CNTRL: variants seen among roughly 807,000 people sequenced by gnomAD.
CNTRL encodes centriolin.
A neutral mutation model predicts 303.7 loss-of-function variants in CNTRL; 233 were observed. The observed-to-expected ratio is 0.77, with a 90% CI of 0.69 to 0.86. The LOEUF is 0.86. Among genes scored for constraint, CNTRL ranks in the 40% least tolerant of loss-of-function variants. CNTRL has a pLI of 0.00. For missense variants in CNTRL, 2,524 were observed against 2,650.6 expected (o/e 0.95, Z 1.05); for synonymous variants, 900 against 922.2 (o/e 0.98, Z 0.44).
intron 37 of CNTRL, 114 bp from the exon 38 acceptor site, chr9:121,167,982 T>TC: frequency 1.1e-6 from 1 of 891,520 alleles, no homozygotes; most frequent in South Asian, 1.7e-5. Flanking sequence ...AATGGAATTG[T>TC]CCCTGTGGGC....
chr9:121,104,188 T>C (rs1588115117), intron 7 of CNTRL, among the ~76,000 whole-genome samples: 1 of 152,318 alleles, frequency 6.6e-6, no homozygotes, highest in South Asian at 2.1e-4. Flanking sequence ...TGGAATACTA[T>C]GCAGCCATAA....
At chr9:121,129,635 T>C (rs1306060341) in intron 14 of CNTRL, among the ~76,000 whole-genome samples, 2 of 152,158 alleles carry the variant, frequency 1.3e-5, no homozygotes, top group Non-Finnish European at 1.5e-5. Flanking sequence ...TTTCTTTCTC[T>C]TTTCTGATTG....
chr9:121,151,133 GATTT>G (rs903420224), intron 25 of CNTRL, among the ~76,000 whole-genome samples: 1 of 151,714 alleles, frequency 6.6e-6, no homozygotes, highest in Non-Finnish European at 1.5e-5. Context: ...TAGGTGGTGG[GATTT>G]ATTTATTATT....
At chr9:121,150,709 G>C (rs546534784) in intron 25 of CNTRL, 62 of 497,952 alleles carry the variant, frequency 1.2e-4, no homozygotes, top group Admixed American at 7.9e-4. Flanking sequence ...CAAGAGGATT[G>C]CTTGAGCCTA....
chr9:121,087,212 G>C (rs1429497290), intron 2 of CNTRL, among the ~76,000 whole-genome samples: 1 of 152,144 alleles, frequency 6.6e-6, no homozygotes, highest in East Asian at 1.9e-4. Flanking sequence ...ATGACTCCCA[G>C]GTTTTTGGCT....
Position 121,166,528 on chromosome 9 carries a change from G to A in CNTRL, c.5655+348G>A, listed in dbSNP as rs2053098431. Among the ~76,000 whole-genome samples, 4 of 152,118 alleles carry A rather than the reference G, an allele frequency of 2.6e-5. 1 individual carries two copies. In the South Asian group the frequency reaches 8.3e-4, roughly 32 times the overall value. On this transcript the variant is annotated intron_variant, in intron 36 of 43. Transcript: ENST00000373855. ...ACACAGATGAGGCCTCTAAAGGCTG[G>A]GCTTAGATTTGATTACTCCTTGAGC...
At chr9:121,084,726 A>G (rs1211320202) in intron 2 of CNTRL, among the ~76,000 whole-genome samples, 2 of 152,034 alleles carry the variant, frequency 1.3e-5, no homozygotes, top group African/African-American at 2.4e-5. Flanking sequence ...TTGTATTTTT[A>G]GTAGAGACGG....
At chr9:121,161,301 G>T in intron 32 of CNTRL, 1 of 436,258 alleles carries the variant, frequency 2.3e-6, no homozygotes, top group Non-Finnish European at 4.3e-6. Context: ...CAGTAAGCAA[G>T]TATCTCTATG....
chr9:121,150,761 C>G, intron 25 of CNTRL: 1 of 370,632 alleles, frequency 2.7e-6, no homozygotes, highest in Non-Finnish European at 4.9e-6. Context: ...AAACAAAAAC[C>G]AAAAAAACAA....
At chr9:121,121,910 T>A in intron 12 of CNTRL, 2 of 985,452 alleles carry the variant, frequency 2.0e-6, no homozygotes, top group Non-Finnish European at 2.4e-6. Flanking sequence ...AGTTTCTCTG[T>A]TCTCAACGGC....
At chr9:121,085,503 A>G (rs12237512) in intron 2 of CNTRL, among the ~76,000 whole-genome samples, 12,279 of 152,226 alleles carry the variant, frequency 0.081, 1,163 homozygotes, top group African/African-American at 0.22. Flanking sequence ...TTCTAGTTAT[A>G]AGATGTTAGA....
At chr9:121,152,173 T>C in intron 25 of CNTRL, 1 of 263,678 alleles carries the variant, frequency 3.8e-6, no homozygotes, top group South Asian at 5.6e-5. Context: ...TTCTCCCATG[T>C]GGCCAGAGGA....
At position 121,173,404 on chromosome 9, in the gene CNTRL, C is replaced by T. The variant is rs368652606; in HGVS notation, c.6579C>T (p.Asn2193=). The T allele has an allele frequency of 1.2e-5, 20 of 1,613,932 alleles. No individual in the cohort carries two copies. The highest frequency in any genetic ancestry group is 4.0e-5 in the African/African-American group (3 of 75,002). ...PADLEAILER[N]ENLEGELESL... ...ATCTAGAAGCTATTTTGGAAAGAAA[C>T]GAAAACCTAGAAGGAGAATTGGAAA... Residue 2193 remains asparagine, a synonymous_variant, in exon 41 of 44, where the codon AAC becomes AAT. Coordinates refer to ENST00000373855, the MANE Select transcript of CNTRL (RefSeq NM_007018.6).
intron 35 of CNTRL, 87 bp downstream of exon 35, chr9:121,165,187 T>A (rs2053037842): frequency 1.6e-6 from 2 of 1,283,498 alleles, no homozygotes; most frequent in African/African-American, 3.1e-5. Flanking sequence ...TAATTCCTGC[T>A]AATGAGCATG....
At chr9:121,139,342 C>G (rs567560328) in intron 16 of CNTRL, among the ~76,000 whole-genome samples, 1 of 152,182 alleles carries the variant, frequency 6.6e-6, no homozygotes, top group South Asian at 2.1e-4. Context: ...GGTTGCGGGC[C>G]TCTTGGCTGG....
chr9:121,111,345 CAT>C (rs1406415829), intron 8 of CNTRL: 4 of 152,140 alleles, frequency 2.6e-5, no homozygotes, highest in African/African-American at 9.6e-5. Context: ...AGTGCAATAA[CAT>C]ATGTAAAATG....
intron 24 of CNTRL, among the ~76,000 whole-genome samples, chr9:121,149,401 GTTT>G (rs71492402): frequency 2.7e-5 from 3 of 110,628 alleles, no homozygotes; most frequent in African/African-American, 5.4e-5. Context: ...ACTTTTTTTT[GTTT>G]TTTGTTTTTT....
At chr9:121,098,815 G>A (rs2049000461) in intron 7 of CNTRL, among the ~76,000 whole-genome samples, 1 of 133,452 alleles carries the variant, frequency 7.5e-6, no homozygotes, top group African/African-American at 2.6e-5. Context: ...TTATGTTTTG[G>A]CAGAGAAGAC....
intron 21 of CNTRL, 135 bp from the exon 22 acceptor site, chr9:121,145,109 C>A (rs888667444): frequency 1.7e-6 from 2 of 1,171,806 alleles, no homozygotes; most frequent in Non-Finnish European, 2.4e-6. Context: ...AGGCTTGGTG[C>A]AGTTTCCAAG....
Sources: gnomAD v4.1 joint callset for allele counts (sites outside exome capture counted in the v4.1 genomes callset) on GRCh38, gnomAD v4.1.1 for gene constraint, MANE v1.5 for transcripts, NCBI Gene and HGNC (gene_info 2026-07-23, HGNC 2026-07-21) for gene names.